Variants in ATG2B observed in about 807,000 individuals in gnomAD.
The protein encoded by ATG2B is autophagy-related protein 2 homolog B.
A neutral mutation model predicts 241.3 loss-of-function variants in ATG2B; 121 were observed. The observed-to-expected ratio is 0.50, with a 90% confidence interval of 0.43 to 0.58. ATG2B has a LOEUF of 0.58. Ranked by LOEUF, ATG2B falls within the 20% of genes least tolerant of loss-of-function variation. The probability of loss-of-function intolerance (pLI) is 0.00; values close to 1 mark genes in which losing one functional copy is unlikely to be tolerated. For missense variants in ATG2B, 2,306 were observed against 2,491.6 expected (o/e 0.93, Z 1.59); for synonymous variants, 858 against 876.6 (o/e 0.98, Z 0.37).
rs972726 is a variant in ATG2B at position 96,302,896 on chromosome 14, A to G, written c.5037+165T>C. On this transcript the variant is annotated intron_variant, in intron 33 of 41. Coordinates refer to ENST00000359933, the MANE Select transcript of ATG2B (RefSeq NM_018036.7). ...GACCCTAGAAGTGACATGCAAAATAATTTTTTAAACATAAAACTTTAAGCA... is the reference window on the plus strand; with the variant it reads ...GACCCTAGAAGTGACATGCAAAATAGTTTTTTAAACATAAAACTTTAAGCA... Among the ~76,000 whole-genome samples the G allele has an allele frequency of 0.33, 49,630 of 152,068 alleles. 9,199 individuals carry two copies. The highest frequency in any genetic ancestry group is 0.42 in the Non-Finnish European group (28,762 of 67,960).
chr14:96,286,057 C>A (rs1325002602), intron 41 of ATG2B, 72 bp from the exon 42 acceptor site: 12 of 1,176,310 alleles, frequency 1.0e-5, no homozygotes, highest in Admixed American at 6.3e-5. Context: ...TCTAAGCTAT[C>A]CTGCAGTACA....
At position 96,343,195 on chromosome 14, in the gene ATG2B, A is replaced by G; in HGVS notation, c.668T>C (p.Leu223Pro). Residue 223 changes from leucine to proline, a missense_variant, in exon 5 of 42, where the codon CTC (leucine) becomes CCC (proline). Coordinates refer to ENST00000359933, the MANE Select transcript of ATG2B (RefSeq NM_018036.7). ...PTAFAHKLLQ[L>P]SGVSLFWDEF... is the part of the protein sequence containing the mutation. ...ATCCCAGAAGAGAGACACTCCAGAG[A>G]GCTGAAGTAACTTGTGAGCAAAAGC... 6.2e-7 allele frequency: 1 copy of G among 1,610,056 alleles called. No individual in the cohort carries two copies. The highest frequency in any genetic ancestry group is 8.5e-7 in the Non-Finnish European group (1 of 1,177,512).
chr14:96,332,504 A>C lies in ATG2B; in HGVS notation c.1359T>G (p.Thr453=). The C allele has an allele frequency of 6.2e-7, 1 of 1,610,768 alleles. No homozygotes were observed. Among genetic ancestry groups the C allele is most frequent in the Non-Finnish European group, 8.5e-7 (1 of 1,178,716 alleles). The part of the protein sequence containing the change: ...NTPAGSPLSA[T]VLQPTWGEFL... Reference sequence around the variant, plus strand: ...GAAAAATTAAGTAATACTTTACCACAGTAGCACTTAATGGAGATCCTGCTG... The same window carrying C: ...GAAAAATTAAGTAATACTTTACCACCGTAGCACTTAATGGAGATCCTGCTG... The change falls in exon 9 of 42, where the codon ACT becomes ACG. Residue 453 remains threonine (T), a synonymous_variant. Transcript: ENST00000359933.
rs1566719748 is a variant in ATG2B at position 96,308,251 on chromosome 14, TACACACATATATATATATATATATATATA to T, written c.4303+1173_4303+1201del. ...ATATACATATATATATATATATATA[TACACACATATATATATATATATATATATA>T]TATTTTTTTTTTTTTTTTTTTTGAG... On this transcript the variant is annotated intron_variant, in intron 29 of 41. Transcript: ENST00000359933. Among the ~76,000 whole-genome samples the T allele has an allele frequency of 5.0e-3, 105 of 20,954 alleles. 3 individuals are homozygous for T. Among genetic ancestry groups the T allele is most frequent in the African/African-American group, 0.011 (81 of 7,320 alleles). 13.7% of individuals were successfully genotyped at this position (20,954 alleles called of 152,430 possible).
At chr14:96,359,242 T>G (rs529785163) in intron 1 of ATG2B, among the ~76,000 whole-genome samples, 25 of 152,040 alleles carry the variant, frequency 1.6e-4, no homozygotes, top group Non-Finnish European at 1.2e-4. Context: ...TGTGGTGGCA[T>G]GCACCTGTAG....
intron 41 of ATG2B, among the ~76,000 whole-genome samples, chr14:96,288,194 T>C (rs1886390340): frequency 6.6e-6 from 1 of 152,132 alleles, no homozygotes. Flanking sequence ...CACTCCCTTT[T>C]CTCTGTGGTA....
intron 29 of ATG2B, among the ~76,000 whole-genome samples, chr14:96,308,161 C>CATATATAAAT (rs1486900420): frequency 1.4e-5 from 2 of 138,384 alleles, no homozygotes; most frequent in African/African-American, 5.3e-5. Context: ...CACACACACA[C>CATATATAAAT]ATATATAAAT....
intron 5 of ATG2B, among the ~76,000 whole-genome samples, chr14:96,342,078 G>A (rs964568537): frequency 1.3e-5 from 2 of 152,076 alleles, no homozygotes; most frequent in Non-Finnish European, 2.9e-5. Flanking sequence ...GGATTTAACA[G>A]AGTTCCTTAA....
Position 96,282,536 on chromosome 14 carries a change from C to A in ATG2B, c.*3219G>T, listed in dbSNP as rs1285709183. 6.6e-6 allele frequency: 1 copy of A among 152,278 alleles called. No individual in the cohort carries two copies. The highest frequency in any genetic ancestry group is 1.9e-4 in the East Asian group (1 of 5,204). The allele number at this position is 152,278 out of a possible 1,614,324, so 9.4% of individuals were successfully genotyped here. On this transcript the variant is annotated 3_prime_UTR_variant, in exon 42 of 42. Coordinates refer to ENST00000359933, the MANE Select transcript of ATG2B (RefSeq NM_018036.7). The stretch of plus-strand genomic sequence containing the variant: ...ACGCCAAGTCACACAGCTCTTTACA[C>A]ATTGAAAATCTGAGTTAATGTTAAG...
intron 41 of ATG2B, among the ~76,000 whole-genome samples, chr14:96,288,234 C>T (rs1489282614): frequency 2.0e-5 from 3 of 152,144 alleles, no homozygotes; most frequent in African/African-American, 7.2e-5. Context: ...TGGCAGAACC[C>T]GTTTCCTCAT....
chr14:96,317,189 G>C lies in ATG2B; in HGVS notation c.3166C>G (p.Leu1056Val). 6.2e-7 allele frequency: 1 copy of C among 1,613,614 alleles called. No individual in the cohort carries two copies. Among genetic ancestry groups the C allele is most frequent in the Non-Finnish European group, 8.5e-7 (1 of 1,179,698 alleles). Residue 1056 changes from leucine (L) to valine (V), a missense_variant, in exon 20 of 42, where the codon CTG becomes GTG. Physicochemically the swap from Leu to Val is conservative, Grantham distance 32. Coordinates refer to ENST00000359933, the MANE Select transcript of ATG2B (RefSeq NM_018036.7). Reference protein sequence around the residue: ...KNSQSFLSVLLNINHGLIAVF... With the variant: ...KNSQSFLSVLVNINHGLIAVF... ...GCTATTAATCCATGATTAATATTCA[G>C]AAGAACTGAGAGAAAACTCTGAGAG...
rs1423630167 is a variant in ATG2B at position 96,363,314 on chromosome 14, G to A, written c.-338C>T. ...ACTGCCGCCGCGCGACGAATTTGTT[G>A]TCATCCGCGAGGCGCGTTCCCGGCT... On this transcript the variant is annotated 5_prime_UTR_variant, in exon 1 of 42. Transcript: ENST00000359933. 1 of 261,972 alleles carries A rather than the reference G, an allele frequency of 3.8e-6. No individual in the cohort carries two copies. The highest frequency in any genetic ancestry group is 7.4e-6 in the Non-Finnish European group (1 of 134,388). The allele number at this position is 261,972 out of a possible 1,614,324, so 16.2% of individuals were successfully genotyped here.
intron 30 of ATG2B, among the ~76,000 whole-genome samples, chr14:96,306,383 C>T (rs985233499): frequency 6.6e-6 from 1 of 152,164 alleles, no homozygotes; most frequent in Non-Finnish European, 1.5e-5. Flanking sequence ...CACATCTTAT[C>T]TTTCCCGATT....
At position 96,306,715 on chromosome 14, in the gene ATG2B, T is replaced by A; in HGVS notation, c.4505A>T (p.Gln1502Leu). 1 of 1,613,126 alleles carries A rather than the reference T, an allele frequency of 6.2e-7. No homozygotes were observed. The highest frequency in any genetic ancestry group is 8.5e-7 in the Non-Finnish European group (1 of 1,179,308). Residue 1502 changes from glutamine to leucine, a missense_variant and splice_region_variant, in exon 30 of 42, where the codon CAG becomes CTG. Physicochemically the swap from Gln to Leu is moderately radical, Grantham distance 113. Coordinates refer to ENST00000359933, the MANE Select transcript of ATG2B (RefSeq NM_018036.7). ...TCAATAATGTTATTAATTTATTACC[T>A]GCATGGCTGCTTTTGGTGCAAAAAG... ...CILFAPKAAM[Q>L]EKEEEPVIKI...
intron 8 of ATG2B, 133 bp from the exon 9 acceptor site, chr14:96,332,788 T>G: frequency 1.8e-6 from 1 of 558,224 alleles, no homozygotes; most frequent in South Asian, 7.7e-5. Context: ...AATTTTATGT[T>G]ACTTACAGTG....
At chr14:96,305,454 C>T in intron 31 of ATG2B, 135 bp downstream of exon 31, 1 of 582,266 alleles carries the variant, frequency 1.7e-6, no homozygotes, top group Non-Finnish European at 2.9e-6. Context: ...GTTTTTAATA[C>T]TACTTTATTA....
At chr14:96,328,296 C>G in intron 14 of ATG2B, 51 bp downstream of exon 14, 1 of 1,304,576 alleles carries the variant, frequency 7.7e-7, no homozygotes, top group Non-Finnish European at 1.1e-6. Context: ...CTCAATAACC[C>G]TATTAGCTAA....
Position 96,309,605 on chromosome 14 carries a change from A to T in ATG2B, c.4162-11T>A, listed in dbSNP as rs769714279. On this transcript the variant is annotated splice_polypyrimidine_tract_variant and intron_variant, in intron 28 of 41. Transcript: ENST00000359933. ...ACCACTGGAATCTACCTATAGCCAAAAAACCTAATTAAAAATAACTGAAAA... is the reference window on the plus strand; with the variant it reads ...ACCACTGGAATCTACCTATAGCCAATAAACCTAATTAAAAATAACTGAAAA... The T allele has an allele frequency of 6.3e-7, 1 of 1,586,778 alleles. No homozygotes were observed.
At chr14:96,313,568 G>A in intron 23 of ATG2B, 133 bp from the exon 24 acceptor site, 4 of 505,474 alleles carry the variant, frequency 7.9e-6, no homozygotes, top group South Asian at 3.9e-5. Flanking sequence ...ACGGTAAAAG[G>A]AAAAAAATCA....
Sources: gnomAD v4.1 joint callset for allele counts (sites outside exome capture counted in the v4.1 genomes callset) on GRCh38, gnomAD v4.1.1 for gene constraint, MANE v1.5 for transcripts, NCBI Gene and HGNC (gene_info 2026-07-23, HGNC 2026-07-21) for gene names.